The following FGF13 variants were observed in gnomAD, a reference collection of about 807,000 sequenced individuals.
The protein encoded by FGF13 is fibroblast growth factor 13, also known as fibroblast growth factor homologous factor 2.
Under a neutral mutation model 19.5 loss-of-function variants are expected in FGF13, and 2 were observed. The ratio of observed to expected loss-of-function variants is 0.10; its 90% confidence interval spans 0.04 to 0.32. The LOEUF is 0.32. Among genes scored for constraint, FGF13 ranks in the 10% least tolerant of loss-of-function variants. FGF13 has a pLI of 1.00. For missense variants in FGF13, 113 were observed against 192.7 expected (o/e 0.59, Z 2.45); for synonymous variants, 72 against 76.9 (o/e 0.94, Z 0.33).
chrX:138,659,289 G>A (rs2089466628), intron 3 of FGF13, among the ~76,000 whole-genome samples: 1 of 112,133 alleles, frequency 8.9e-6, no homozygotes, highest in Non-Finnish European at 1.9e-5. Flanking sequence ...GGACAACATA[G>A]CAACAACCTG....
intron 1 of FGF13, among the ~76,000 whole-genome samples, chrX:138,928,634 T>G (rs1382178256): frequency 1.8e-5 from 2 of 111,043 alleles, no homozygotes; most frequent in African/African-American, 6.6e-5. Flanking sequence ...AAAGTTCCTC[T>G]CAGAAAGGAA....
At chrX:139,079,230 C>G (rs763159347) in intron 1 of FGF13, among the ~76,000 whole-genome samples, 13 of 111,120 alleles carry the variant, frequency 1.2e-4, no homozygotes, top group Non-Finnish European at 1.9e-4. Context: ...TACAGGCTGG[C>G]ATTAAGTATG....
intron 3 of FGF13, among the ~76,000 whole-genome samples, chrX:138,754,048 T>C (rs1385139001): frequency 8.9e-6 from 1 of 112,053 alleles, no homozygotes; most frequent in Non-Finnish European, 1.9e-5. Context: ...AACAAATAGT[T>C]TCCAAGTAGA....
At chrX:139,075,834 T>TAAAGTACCTTCATTTATATAGC (rs1603184653) in intron 1 of FGF13, among the ~76,000 whole-genome samples, 1 of 36,953 alleles carries the variant, frequency 2.7e-5, no homozygotes, top group Admixed American at 2.4e-4. Context: ...GTGTATTTCT[T>TAAAGTACCTTCATTTATATAGC]TTTTTTTTTT....
intron 3 of FGF13, among the ~76,000 whole-genome samples, chrX:138,650,641 CTG>C (rs779202564): frequency 1.8e-5 from 2 of 111,587 alleles, no homozygotes; most frequent in South Asian, 7.6e-4. Flanking sequence ...CACATAATAA[CTG>C]TACATATTAA....
At chrX:138,942,598 G>T (rs1288528045) in intron 1 of FGF13, among the ~76,000 whole-genome samples, 1 of 111,517 alleles carries the variant, frequency 9.0e-6, no homozygotes, top group Non-Finnish European at 1.9e-5. Context: ...GAAGAAATGG[G>T]CCCTTTTTAT....
chrX:139,163,313 T>G (rs951783394), intron 1 of FGF13, among the ~76,000 whole-genome samples: 7 of 110,378 alleles, frequency 6.3e-5, no homozygotes, highest in African/African-American at 2.3e-4. Flanking sequence ...AACACTGCAT[T>G]CTCTCACTCA....
intron 1 of FGF13, among the ~76,000 whole-genome samples, chrX:139,036,874 A>T (rs908772213): frequency 1.8e-5 from 2 of 110,756 alleles, no homozygotes; most frequent in Non-Finnish European, 3.8e-5. Context: ...TCATGAGGAA[A>T]ACCCACCCCC....
intron 3 of FGF13, among the ~76,000 whole-genome samples, chrX:138,758,699 A>G (rs1413615673): frequency 1.8e-5 from 2 of 112,089 alleles, no homozygotes; most frequent in Admixed American, 1.9e-4. Flanking sequence ...CTTTTCAGCA[A>G]AAAAAGAGTT....
intron 1 of FGF13, among the ~76,000 whole-genome samples, chrX:138,970,253 C>T (rs2091910087): frequency 9.0e-6 from 1 of 111,416 alleles, no homozygotes; most frequent in African/African-American, 3.3e-5. Flanking sequence ...CAATGTCTGG[C>T]ACATGGTTGG....
chrX:138,978,543 C>T (rs866201345), intron 1 of FGF13, among the ~76,000 whole-genome samples: 18 of 112,087 alleles, frequency 1.6e-4, no homozygotes, highest in African/African-American at 1.3e-4. Flanking sequence ...ATTACAGGCG[C>T]GAGCCACCGC....
At chrX:138,951,286 T>C (rs2091809945) in intron 1 of FGF13, among the ~76,000 whole-genome samples, 1 of 111,902 alleles carries the variant, frequency 8.9e-6, no homozygotes, top group South Asian at 3.7e-4. Flanking sequence ...CAAAGCCAGA[T>C]GCATGCTGTA....
At chrX:138,767,324 C>T (rs2090509691) in intron 3 of FGF13, among the ~76,000 whole-genome samples, 1 of 111,880 alleles carries the variant, frequency 8.9e-6, no homozygotes, top group Admixed American at 9.5e-5. Flanking sequence ...GCAGAATATA[C>T]TAAACTTTGT....
intron 1 of FGF13, among the ~76,000 whole-genome samples, chrX:138,930,502 G>A (rs1254790786): frequency 2.7e-5 from 3 of 111,849 alleles, no homozygotes; most frequent in Admixed American, 9.5e-5. Flanking sequence ...CGGAGAAATC[G>A]CAAAAATGAA....
At chrX:138,773,299 C>T (rs891180673) in intron 3 of FGF13, among the ~76,000 whole-genome samples, 1 of 111,623 alleles carries the variant, frequency 9.0e-6, no homozygotes, top group African/African-American at 3.3e-5. Flanking sequence ...CCAGTGGGGT[C>T]ACTTGCAGCC....
rs188158708 is a variant in FGF13, at chrX:139,173,364, T to A, written c.-113+30052A>T. On this transcript the variant is annotated intron_variant, in intron 1 of 2. Transcript: ENST00000421460. Reference sequence around the variant, plus strand: ...CTGTCTCATCAGATAGCTCTTTTTTTAAAATATATGAATATAAATATAATA... The same window carrying A: ...CTGTCTCATCAGATAGCTCTTTTTTAAAAATATATGAATATAAATATAATA... Among the ~76,000 whole-genome samples the A allele has an allele frequency of 3.5e-4, 39 of 110,141 alleles. 1 individual carries two copies. Among genetic ancestry groups the A allele is most frequent in the African/African-American group, 1.1e-3 (34 of 30,417 alleles).
At chrX:138,831,847 A>T (rs2091076595) in intron 3 of FGF13, among the ~76,000 whole-genome samples, 2 of 110,964 alleles carry the variant, frequency 1.8e-5, no homozygotes, top group South Asian at 7.8e-4. Context: ...CACCTTCTGA[A>T]ATGCGCCAGT....
intron 1 of FGF13, among the ~76,000 whole-genome samples, chrX:139,112,684 C>T (rs2083611987): frequency 8.9e-6 from 1 of 111,851 alleles, no homozygotes; most frequent in Admixed American, 9.5e-5. Flanking sequence ...AGTTTCTGCA[C>T]TGTAAGAGGG....
At chrX:138,718,984 G>C (rs551464478) in intron 1 of FGF13, among the ~76,000 whole-genome samples, 2 of 112,705 alleles carry the variant, frequency 1.8e-5, no homozygotes, top group African/African-American at 6.4e-5. Flanking sequence ...CCATTGCAAA[G>C]GTGAGAAAAG....
Sources: allele counts gnomAD v4.1 joint callset (sites outside exome capture counted in the v4.1 genomes callset), GRCh38; gene constraint gnomAD v4.1.1; transcripts MANE v1.5; gene names NCBI Gene and HGNC (gene_info 2026-07-23, HGNC 2026-07-21).